Variants in IL1RAPL1 observed in about 807,000 individuals in gnomAD.
IL1RAPL1 encodes interleukin-1 receptor accessory protein-like 1.
A neutral mutation model predicts 48.4 loss-of-function variants in IL1RAPL1; 3 were observed. That is an observed-to-expected ratio of 0.06 (90% CI 0.03 to 0.16). IL1RAPL1 has a LOEUF of 0.16. IL1RAPL1 is among the 10% of genes least tolerant of loss of function. The probability of loss-of-function intolerance (pLI) is 1.00; values close to 1 mark genes in which losing one functional copy is unlikely to be tolerated. For missense variants in IL1RAPL1, 349 were observed against 530.6 expected (o/e 0.66, Z 3.36); for synonymous variants, 185 against 187.7 (o/e 0.99, Z 0.12).
chrX:29,034,055 T>C (rs187142182), intron 2 of IL1RAPL1, among the ~76,000 whole-genome samples: 366 of 112,217 alleles, frequency 3.3e-3, no homozygotes, highest in Non-Finnish European at 5.1e-3. Context: ...ATCAGTCATT[T>C]ATATTATTGT....
chrX:28,760,496 A>G (rs1936156678), intron 1 of IL1RAPL1, among the ~76,000 whole-genome samples: 1 of 112,138 alleles, frequency 8.9e-6, no homozygotes. Context: ...CTATTCTTTC[A>G]TCAGGGCCAA....
At chrX:29,165,438 ATGC>A (rs1486237009) in intron 2 of IL1RAPL1, among the ~76,000 whole-genome samples, 1 of 112,459 alleles carries the variant, frequency 8.9e-6, no homozygotes, top group Non-Finnish European at 1.9e-5. Flanking sequence ...TTAGTTACTC[ATGC>A]TGCTATACTG....
chrX:29,374,579 G>A (rs1192245530), intron 3 of IL1RAPL1, among the ~76,000 whole-genome samples: 20 of 109,610 alleles, frequency 1.8e-4, no homozygotes, highest in African/African-American at 3.3e-4. Flanking sequence ...AACATTTGTC[G>A]AATGAATGAA....
chrX:28,616,316 A>G (rs749799182), intron 1 of IL1RAPL1, among the ~76,000 whole-genome samples: 1 of 112,696 alleles, frequency 8.9e-6, no homozygotes, highest in Admixed American at 9.3e-5. Context: ...ACGTGCTTAG[A>G]AAACGACTAT....
At chrX:28,959,257 C>A in intron 2 of IL1RAPL1, among the ~76,000 whole-genome samples, 1 of 111,731 alleles carries the variant, frequency 9.0e-6, no homozygotes, top group Non-Finnish European at 1.9e-5. Flanking sequence ...GCTCTTTTTA[C>A]ATGCAAGGAA....
rs147637043 is a variant in IL1RAPL1, at chrX:29,681,783, A to G, written c.778+13279A>G. On this transcript the variant is annotated intron_variant, in intron 6 of 10. Transcript: ENST00000378993. ...TTCCTATGTATTGTCATCAGAGTCG[A>G]GAGTTGGGACGACAGAGAGTAGAAA... is the stretch of plus-strand genomic sequence containing the variant. 8.0e-3 allele frequency among the ~76,000 whole-genome samples: 895 copies of G among 111,877 alleles called. 7 individuals carry two copies. Among genetic ancestry groups the G allele is most frequent in the African/African-American group, 0.028 (863 of 30,806 alleles).
At chrX:28,917,801 T>C (rs150940145) in intron 2 of IL1RAPL1, among the ~76,000 whole-genome samples, 2 of 112,590 alleles carry the variant, frequency 1.8e-5, no homozygotes, top group African/African-American at 6.4e-5. Flanking sequence ...ACATTTTAAG[T>C]GTACAGTTCT....
At chrX:29,818,348 C>T (rs1213951540) in intron 6 of IL1RAPL1, among the ~76,000 whole-genome samples, 2 of 111,557 alleles carry the variant, frequency 1.8e-5, no homozygotes, top group South Asian at 3.7e-4. Flanking sequence ...TATTTTGGCC[C>T]GAGGCGAAAA....
intron 5 of IL1RAPL1, among the ~76,000 whole-genome samples, chrX:29,586,548 T>C (rs1446427454): frequency 1.8e-5 from 2 of 112,000 alleles, no homozygotes; most frequent in South Asian, 3.7e-4. Flanking sequence ...ATATGAATTG[T>C]AGAATTTTTT....
intron 1 of IL1RAPL1, among the ~76,000 whole-genome samples, chrX:28,610,106 A>G (rs981098042): frequency 1.8e-5 from 2 of 112,138 alleles, no homozygotes; most frequent in Admixed American, 1.9e-4. Flanking sequence ...TAGCTCTGCC[A>G]GTCAGTTTTA....
chrX:29,064,879 C>T (rs1927421113), intron 2 of IL1RAPL1, among the ~76,000 whole-genome samples: 1 of 112,010 alleles, frequency 8.9e-6, no homozygotes, highest in Non-Finnish European at 1.9e-5. Context: ...TTGCGCCCGG[C>T]CGAGAACAAA....
At chrX:29,472,289 G>T (rs1934929633) in intron 5 of IL1RAPL1, among the ~76,000 whole-genome samples, 1 of 111,441 alleles carries the variant, frequency 9.0e-6, no homozygotes, top group Non-Finnish European at 1.9e-5. Context: ...CATGGCTGTT[G>T]CTTCTCTGTC....
intron 5 of IL1RAPL1, among the ~76,000 whole-genome samples, chrX:29,485,481 G>A (rs12862654): frequency 0.43 from 47,649 of 109,633 alleles, 7,749 homozygotes; most frequent in East Asian, 0.7. Flanking sequence ...CTTCCTCCTA[G>A]GTAGCCTGAG....
chrX:29,464,036 A>G (rs1934834375), intron 5 of IL1RAPL1, among the ~76,000 whole-genome samples: 1 of 112,044 alleles, frequency 8.9e-6, no homozygotes, highest in Admixed American at 9.5e-5. Context: ...AGAGGTGCCA[A>G]GTGAGAACTC....
chrX:28,620,013 A>G (rs7049543), intron 1 of IL1RAPL1, among the ~76,000 whole-genome samples: 85 of 111,080 alleles, frequency 7.7e-4, no homozygotes, highest in African/African-American at 2.6e-3. Context: ...TGCTGCTTCT[A>G]TGTCTCTTAC....
chrX:29,373,336 T>C (rs1933571186), intron 3 of IL1RAPL1, among the ~76,000 whole-genome samples: 1 of 112,061 alleles, frequency 8.9e-6, no homozygotes, highest in Admixed American at 9.5e-5. Flanking sequence ...TCGGATTTTC[T>C]AGGTATAGAA....
intron 2 of IL1RAPL1, among the ~76,000 whole-genome samples, chrX:29,175,728 C>A (rs1236831301): frequency 9.4e-6 from 1 of 106,250 alleles, no homozygotes; most frequent in Non-Finnish European, 1.9e-5. Context: ...CACCTGTAAT[C>A]CCAGCTACTC....
intron 2 of IL1RAPL1, among the ~76,000 whole-genome samples, chrX:29,239,271 C>G (rs748721961): frequency 2.1e-4 from 24 of 112,315 alleles, no homozygotes; most frequent in African/African-American, 7.7e-4. Context: ...AAGTGCAATA[C>G]ATGTCTTCCT....
At chrX:29,306,712 T>G (rs758585147) in intron 3 of IL1RAPL1, among the ~76,000 whole-genome samples, 1 of 103,710 alleles carries the variant, frequency 9.6e-6, no homozygotes, top group East Asian at 3.0e-4. Flanking sequence ...AATACAAAAA[T>G]TAGCTGGGCG....
Sources: gnomAD v4.1 joint callset for allele counts (sites outside exome capture counted in the v4.1 genomes callset) on GRCh38, gnomAD v4.1.1 for gene constraint, MANE v1.5 for transcripts, NCBI Gene and HGNC (gene_info 2026-07-23, HGNC 2026-07-21) for gene names.